Variants in HTR1F observed in about 807,000 individuals in gnomAD.
HTR1F encodes the protein 5-hydroxytryptamine receptor 1F.
HTR1F carries 17 observed loss-of-function variants against 24.0 expected under a neutral mutation model. That is an observed-to-expected ratio of 0.71 (90% CI 0.48 to 1.06). HTR1F has a LOEUF of 1.06. Among genes scored for constraint, HTR1F ranks in the 50% least tolerant of loss-of-function variants. HTR1F has a pLI of 0.00. For missense variants in HTR1F, 391 were observed against 427.8 expected (o/e 0.91, Z 0.76); for synonymous variants, 186 against 156.8 (o/e 1.19, Z -1.39).
rs150485288 is a variant in HTR1F, at chr3:87,835,915, C to G, written c.-43+13791C>G. ...AACTTTTGTTGGGGCATTTTCAGAC[C>G]CTTGCATTAGCTGTAGTGTGCCAGT... On this transcript the variant is annotated intron_variant, in intron 2 of 2. Coordinates refer to ENST00000319595, the MANE Select transcript of HTR1F (RefSeq NM_001322209.2). 3.8e-3 allele frequency among the ~76,000 whole-genome samples: 584 copies of G among 152,216 alleles called. 6 individuals carry two copies. Among genetic ancestry groups the G allele is most frequent in the African/African-American group, 0.014 (561 of 41,544 alleles).
At position 87,962,958 on chromosome 3, in the gene HTR1F, G is replaced by GT. The variant is rs202089576; in HGVS notation, c.-42-27749dup. On this transcript the variant is annotated intron_variant, in intron 2 of 2. Coordinates refer to ENST00000319595, the MANE Select transcript of HTR1F (RefSeq NM_001322209.2). ...CCATTTTAACAACCCTGAAAATTAT[G>GT]TATTTTTTTTACTTTCTTGATAAAT... 1.1e-3 allele frequency among the ~76,000 whole-genome samples: 160 copies of GT among 151,086 alleles called. 2 individuals carry two copies. Among genetic ancestry groups the GT allele is most frequent in the African/African-American group, 3.6e-3 (146 of 41,068 alleles).
At chr3:87,840,763 A>T (rs1910401) in intron 2 of HTR1F, among the ~76,000 whole-genome samples, 18,738 of 151,818 alleles carry the variant, frequency 0.12, 1,607 homozygotes, top group African/African-American at 0.22. Context: ...AAACACAGGA[A>T]ATTCTGTCAT....
intron 2 of HTR1F, among the ~76,000 whole-genome samples, chr3:87,981,954 G>C (rs968986527): frequency 1.4e-5 from 2 of 143,158 alleles, no homozygotes; most frequent in African/African-American, 5.2e-5. Context: ...TTTTTTTTAT[G>C]TCTCACTCTG....
chr3:87,943,030 T>C (rs986086425), intron 2 of HTR1F, among the ~76,000 whole-genome samples: 8 of 152,192 alleles, frequency 5.3e-5, no homozygotes, highest in African/African-American at 1.2e-4. Flanking sequence ...GTGGACATCA[T>C]TGAATAATTC....
chr3:87,903,443 C>A (rs1421085423), intron 2 of HTR1F, among the ~76,000 whole-genome samples: 1 of 152,018 alleles, frequency 6.6e-6, no homozygotes, highest in African/African-American at 2.4e-5. Flanking sequence ...AAACAAACAA[C>A]CCCATCAAAA....
chr3:87,820,562 T>G (rs984472281), intron 1 of HTR1F, among the ~76,000 whole-genome samples: 6 of 152,144 alleles, frequency 3.9e-5, no homozygotes, highest in Admixed American at 6.5e-5. Context: ...CCATCAAAGA[T>G]GTAGTCATTT....
chr3:87,891,765 C>T (rs1706091749), intron 2 of HTR1F, among the ~76,000 whole-genome samples: 1 of 152,192 alleles, frequency 6.6e-6, no homozygotes, highest in Non-Finnish European at 1.5e-5. Flanking sequence ...AAAATCAGCT[C>T]TTTCAGTGTC....
chr3:87,874,244 A>T (rs1265053804), intron 2 of HTR1F, among the ~76,000 whole-genome samples: 1 of 152,124 alleles, frequency 6.6e-6, no homozygotes, highest in East Asian at 1.9e-4. Flanking sequence ...TTCCACACAC[A>T]CACATACAAA....
intron 2 of HTR1F, among the ~76,000 whole-genome samples, chr3:87,913,153 T>C (rs1159653257): frequency 6.6e-6 from 1 of 151,500 alleles, no homozygotes; most frequent in Admixed American, 6.6e-5. Flanking sequence ...GAACAGAGAG[T>C]CTACAGAATG....
chr3:87,967,048 C>T (rs781732095), intron 2 of HTR1F, among the ~76,000 whole-genome samples: 47 of 152,188 alleles, frequency 3.1e-4, no homozygotes, highest in African/African-American at 1.0e-3. Context: ...AGTTCTACTA[C>T]GTACAATGAA....
intron 2 of HTR1F, among the ~76,000 whole-genome samples, chr3:87,827,429 T>G (rs1474172162): frequency 6.6e-6 from 1 of 152,200 alleles, no homozygotes; most frequent in African/African-American, 2.4e-5. Context: ...TGTGCTACCA[T>G]TTTGTATCCT....
At chr3:87,969,054 G>A (rs1426336103) in intron 2 of HTR1F, among the ~76,000 whole-genome samples, 4 of 152,250 alleles carry the variant, frequency 2.6e-5, no homozygotes, top group Non-Finnish European at 5.9e-5. Flanking sequence ...TTGAGGTTTG[G>A]AAACCTCCGC....
chr3:87,887,628 A>C (rs1705981188), intron 2 of HTR1F, among the ~76,000 whole-genome samples: 1 of 152,240 alleles, frequency 6.6e-6, no homozygotes, highest in Admixed American at 6.5e-5. Context: ...CAAATTTACA[A>C]GAAGAAAACA....
chr3:87,843,548 C>CT (rs1286367231), intron 2 of HTR1F, among the ~76,000 whole-genome samples: 1 of 147,412 alleles, frequency 6.8e-6, no homozygotes, highest in Non-Finnish European at 1.5e-5. Context: ...TATTATTATA[C>CT]TTTAAGTTTT....
chr3:87,986,491 A>G (rs1705664314), intron 2 of HTR1F, among the ~76,000 whole-genome samples: 1 of 152,190 alleles, frequency 6.6e-6, no homozygotes, highest in Admixed American at 6.5e-5. Context: ...TTTTCTTGGC[A>G]TTAGGTACCA....
At chr3:87,857,738 A>G (rs569425387) in intron 2 of HTR1F, among the ~76,000 whole-genome samples, 27 of 152,102 alleles carry the variant, frequency 1.8e-4, no homozygotes, top group Non-Finnish European at 1.8e-4. Context: ...GCATTGACAC[A>G]TCACTACCCA....
At chr3:87,824,512 T>C (rs1704423878) in intron 2 of HTR1F, among the ~76,000 whole-genome samples, 1 of 152,202 alleles carries the variant, frequency 6.6e-6, no homozygotes, top group Non-Finnish European at 1.5e-5. Context: ...GGAAAACATT[T>C]TTTTCCGTTT....
intron 2 of HTR1F, among the ~76,000 whole-genome samples, chr3:87,907,273 G>A (rs1703687453): frequency 6.6e-6 from 1 of 151,208 alleles, no homozygotes; most frequent in South Asian, 2.1e-4. Context: ...GTATTTCCCT[G>A]ATAATTAGTG....
intron 2 of HTR1F, among the ~76,000 whole-genome samples, chr3:87,900,729 G>T (rs1320283917): frequency 6.6e-6 from 1 of 152,154 alleles, no homozygotes; most frequent in Non-Finnish European, 1.5e-5. Flanking sequence ...CAAAAGAGAA[G>T]TAGAGGAGTT....
Sources: gnomAD v4.1 joint callset for allele counts (sites outside exome capture counted in the v4.1 genomes callset) on GRCh38, gnomAD v4.1.1 for gene constraint, MANE v1.5 for transcripts, NCBI Gene and HGNC (gene_info 2026-07-23, HGNC 2026-07-21) for gene names.